Variants in XPNPEP2 observed in about 807,000 individuals in gnomAD.
The protein encoded by XPNPEP2 is X-prolyl aminopeptidase 2.
A neutral mutation model predicts 59.8 loss-of-function variants in XPNPEP2; 64 were observed. The observed-to-expected ratio is 1.07, with a 90% CI of 0.87 to 1.32. XPNPEP2 has a LOEUF of 1.32. Among genes scored for constraint, XPNPEP2 ranks in the 40% most tolerant of loss-of-function variants. XPNPEP2 has a pLI of 0.00. For missense variants in XPNPEP2, 575 were observed against 546.8 expected (o/e 1.05, Z -0.51); for synonymous variants, 235 against 210.0 (o/e 1.12, Z -1.03).
At chrX:129,742,295 T>G in intron 2 of XPNPEP2, 114 bp downstream of exon 2, 1 of 371,488 alleles carries the variant, frequency 2.7e-6, no homozygotes, top group African/African-American at 2.7e-5. Flanking sequence ...ATCTTCTCTA[T>G]CCCTCATTGG....
At chrX:129,748,389 G>A (rs1257186814) in intron 7 of XPNPEP2, among the ~76,000 whole-genome samples, 1 of 112,295 alleles carries the variant, frequency 8.9e-6, no homozygotes, top group South Asian at 3.7e-4. Flanking sequence ...CCTGTAAGTC[G>A]TAACTAAAGT....
chrX:129,740,424 C>T (rs182558602), intron 1 of XPNPEP2, among the ~76,000 whole-genome samples: 12 of 111,556 alleles, frequency 1.1e-4, no homozygotes, highest in African/African-American at 2.9e-4. Flanking sequence ...GTCAGGAGTT[C>T]GAGACCAGCC....
chrX:129,757,858 A>AGAAAGAAG lies in XPNPEP2; in HGVS notation c.1367+1305_1367+1306insAAGAAGGA, dbSNP rs1491134908. On this transcript the variant is annotated intron_variant, in intron 14 of 20. Transcript: ENST00000371106. ...AAGAAAGAAAGAAAGAAAGAAAGAA[A>AGAAAGAAG]GAGGGAGAGAGAGAAAGAGAGAGAG... Among the ~76,000 whole-genome samples the AGAAAGAAG allele has an allele frequency of 1.7e-3, 127 of 74,733 alleles. 3 individuals are homozygous for AGAAAGAAG. The highest frequency in any genetic ancestry group is 8.0e-3 in the African/African-American group (120 of 14,995). 64.9% of individuals were successfully genotyped at this position (74,733 alleles called of 115,157 possible).
At chrX:129,752,439 T>A in intron 10 of XPNPEP2, 94 bp downstream of exon 10, 1 of 955,417 alleles carries the variant, frequency 1.0e-6, no homozygotes, top group Non-Finnish European at 1.5e-6. Context: ...CCCTCAGCCA[T>A]TCAGTCATCT....
At chrX:129,755,826 A>T in intron 13 of XPNPEP2, among the ~76,000 whole-genome samples, 1 of 112,689 alleles carries the variant, frequency 8.9e-6, no homozygotes, top group Non-Finnish European at 1.9e-5. Context: ...CACAGCAGGG[A>T]GAGGTCAATG....
At chrX:129,756,996 CTATATA>C (rs61273791) in intron 14 of XPNPEP2, among the ~76,000 whole-genome samples, 3,819 of 70,377 alleles carry the variant, frequency 0.054, 285 homozygotes, top group African/African-American at 0.19. Context: ...CCATGCCCAG[CTATATA>C]TATATATATA....
rs1926669209 is a variant in XPNPEP2 at position 129,762,176 on chromosome X, A to C, written c.1663+111A>C. 6 of 818,048 alleles carry C rather than the reference A, an allele frequency of 7.3e-6. No homozygotes were observed. In the Admixed American group the frequency reaches 1.4e-4, roughly 19 times the overall value. 67.4% of individuals were successfully genotyped at this position (818,048 alleles called of 1,213,427 possible). ...AGAGGAGCACAGCAGGCACTAGTAC[A>C]GCTCGGGACTCACCTCCCCATTCCC... On this transcript the variant is annotated intron_variant, in intron 18 of 20. Coordinates refer to ENST00000371106, the MANE Select transcript of XPNPEP2 (RefSeq NM_003399.6).
At chrX:129,760,392 C>T (rs1331487079) in intron 15 of XPNPEP2, 120 bp from the exon 16 acceptor site, 85 of 732,697 alleles carry the variant, frequency 1.2e-4, no homozygotes, top group Non-Finnish European at 1.6e-4. Context: ...GAGACTCCCC[C>T]CACCCTGCCT....
intron 1 of XPNPEP2, among the ~76,000 whole-genome samples, chrX:129,740,179 C>T (rs754731458): frequency 3.9e-4 from 44 of 113,060 alleles, no homozygotes; most frequent in African/African-American, 1.3e-3. Flanking sequence ...AACATTTTGC[C>T]AGGGATCTGT....
At chrX:129,751,644 G>GGAAGGAAGGA in intron 8 of XPNPEP2, 101 bp from the exon 9 acceptor site, 2 of 395,418 alleles carry the variant, frequency 5.1e-6, no homozygotes, top group Non-Finnish European at 4.2e-6. Context: ...GGAAGGAAGG[G>GGAAGGAAGGA]AGGAAGGAAA....
intron 8 of XPNPEP2, among the ~76,000 whole-genome samples, chrX:129,751,497 T>C (rs1305077222): frequency 2.1e-5 from 2 of 93,436 alleles, no homozygotes; most frequent in African/African-American, 8.1e-5. Flanking sequence ...AGCAAGATAC[T>C]GTCAAAAAAG....
intron 12 of XPNPEP2, among the ~76,000 whole-genome samples, chrX:129,754,809 G>T (rs756999229): frequency 9.0e-6 from 1 of 111,251 alleles, no homozygotes; most frequent in Non-Finnish European, 1.9e-5. Context: ...AGGACAACTC[G>T]AAGGGCCACA....
intron 6 of XPNPEP2, 93 bp from the exon 7 acceptor site, chrX:129,747,514 G>A: frequency 8.7e-7 from 1 of 1,147,116 alleles, no homozygotes; most frequent in Admixed American, 2.3e-5. Flanking sequence ...GCAAAGGGAG[G>A]CAAAGGGAAC....
At chrX:129,758,333 T>G (rs1415637816) in intron 14 of XPNPEP2, among the ~76,000 whole-genome samples, 1 of 110,573 alleles carries the variant, frequency 9.0e-6, no homozygotes, top group African/African-American at 3.3e-5. Flanking sequence ...GTGCTCAGAG[T>G]AGGGTGAGGC....
At chrX:129,757,873 AAGAGAG>A (rs200174393) in intron 14 of XPNPEP2, among the ~76,000 whole-genome samples, 822 of 66,689 alleles carry the variant, frequency 0.012, 13 homozygotes, top group African/African-American at 0.026. Context: ...GAGAGAGAGA[AAGAGAG>A]AGAGAGAGAG....
At chrX:129,742,449 T>C (rs1350479182) in intron 2 of XPNPEP2, among the ~76,000 whole-genome samples, 2 of 103,190 alleles carry the variant, frequency 1.9e-5, no homozygotes, top group African/African-American at 3.5e-5. Flanking sequence ...GCTTCCGTCC[T>C]GATCTGGGCC....
chrX:129,767,841 T>A, intron 20 of XPNPEP2, 149 bp downstream of exon 20: 1 of 576,645 alleles, frequency 1.7e-6, no homozygotes, highest in Non-Finnish European at 2.9e-6. Flanking sequence ...CCTCCCCAGC[T>A]CATCAGAGAC....
chrX:129,746,140 G>A, intron 4 of XPNPEP2, 96 bp from the exon 5 acceptor site: 1 of 693,656 alleles, frequency 1.4e-6, no homozygotes. Flanking sequence ...GGCCCCTTGT[G>A]GCATTCTCAG....
At position 129,739,198 on chromosome X, in the gene XPNPEP2, G is replaced by A. The variant is rs780038344; in HGVS notation, c.-16G>A. ...CTTGTCCCTCCATCCACCCAGCGCC[G>A]GCATCTGGAGACCCTATGGCCCGGG... On this transcript the variant is annotated 5_prime_UTR_variant, in exon 1 of 21. Coordinates refer to ENST00000371106, the MANE Select transcript of XPNPEP2 (RefSeq NM_003399.6). The A allele has an allele frequency of 1.4e-5, 17 of 1,205,455 alleles. No homozygotes were observed. The highest frequency in any genetic ancestry group is 2.3e-4 in the Middle Eastern group (1 of 4,362).
Sources: gnomAD v4.1 joint callset for allele counts (sites outside exome capture counted in the v4.1 genomes callset) on GRCh38, gnomAD v4.1.1 for gene constraint, MANE v1.5 for transcripts, NCBI Gene and HGNC (gene_info 2026-07-23, HGNC 2026-07-21) for gene names.